Variants in NR3C2 observed in about 807,000 individuals in gnomAD.
NR3C2 encodes nuclear receptor subfamily 3 group C member 2, also known as mineralocorticoid receptor.
NR3C2 carries 15 observed loss-of-function variants against 86.4 expected under a neutral mutation model. The ratio of observed to expected loss-of-function variants is 0.17; its 90% confidence interval spans 0.12 to 0.27. NR3C2 has a LOEUF of 0.27. Ranked by LOEUF, NR3C2 falls within the 10% of genes least tolerant of loss-of-function variation. The pLI is 1.00. For synonymous variants in NR3C2, 458 were observed against 450.5 expected (o/e 1.02, Z -0.21); for missense variants, 960 against 1,195.6 (o/e 0.80, Z 2.91).
chr4:148,417,364 T>C (rs1749064525), intron 2 of NR3C2, among the ~76,000 whole-genome samples: 1 of 152,176 alleles, frequency 6.6e-6, no homozygotes, highest in South Asian at 2.1e-4. Flanking sequence ...ATGACTTCTC[T>C]ATCCAAGAGT....
chr4:148,268,653 T>G (rs1394494872), intron 2 of NR3C2, among the ~76,000 whole-genome samples: 1 of 152,026 alleles, frequency 6.6e-6, no homozygotes. Context: ...CAAGAAAAAA[T>G]TATGCCAAGT....
intron 8 of NR3C2, among the ~76,000 whole-genome samples, chr4:148,092,642 A>G (rs1731108937): frequency 6.6e-6 from 1 of 152,206 alleles, no homozygotes; most frequent in African/African-American, 2.4e-5. Flanking sequence ...CTAAATGAGC[A>G]TCTTCATTTT....
chr4:148,113,152 A>G (rs1732119263), intron 8 of NR3C2, among the ~76,000 whole-genome samples: 2 of 152,212 alleles, frequency 1.3e-5, no homozygotes, highest in African/African-American at 4.8e-5. Flanking sequence ...CCTCGGCTAT[A>G]TCTATAATTG....
At chr4:148,236,541 AG>A (rs1398106473) in intron 3 of NR3C2, among the ~76,000 whole-genome samples, 1 of 152,132 alleles carries the variant, frequency 6.6e-6, no homozygotes, top group African/African-American at 2.4e-5. Context: ...ACTTAAAAAA[AG>A]GTCAGAAAAG....
chr4:148,367,362 T>C (rs1746200382), intron 2 of NR3C2, among the ~76,000 whole-genome samples: 1 of 152,190 alleles, frequency 6.6e-6, no homozygotes, highest in Non-Finnish European at 1.5e-5. Flanking sequence ...ATTATATAAA[T>C]ACAATCATAA....
chr4:148,298,426 G>T (rs72728485), intron 2 of NR3C2, among the ~76,000 whole-genome samples: 3,398 of 152,246 alleles, frequency 0.022, 65 homozygotes, highest in Non-Finnish European at 0.03. Flanking sequence ...AATGTGTTGC[G>T]CCTTGATCAC....
intron 8 of NR3C2, among the ~76,000 whole-genome samples, chr4:148,103,039 T>A (rs1220097960): frequency 6.6e-6 from 1 of 152,162 alleles, no homozygotes; most frequent in Non-Finnish European, 1.5e-5. Context: ...AAGGACATTC[T>A]CTATTTCTCA....
intron 2 of NR3C2, among the ~76,000 whole-genome samples, chr4:148,335,471 C>T (rs959116703): frequency 2.0e-5 from 3 of 152,090 alleles, no homozygotes; most frequent in Non-Finnish European, 2.9e-5. Context: ...CAGGAGTGAT[C>T]GCCTGCAGAA....
intron 2 of NR3C2, among the ~76,000 whole-genome samples, chr4:148,383,678 C>A (rs746685836): frequency 6.6e-6 from 1 of 152,166 alleles, no homozygotes; most frequent in Non-Finnish European, 1.5e-5. Context: ...TTTGGACGGG[C>A]GCAGTGGCTC....
chr4:148,364,610 T>A (rs1249744464), intron 2 of NR3C2, among the ~76,000 whole-genome samples: 1 of 152,232 alleles, frequency 6.6e-6, no homozygotes, highest in Non-Finnish European at 1.5e-5. Flanking sequence ...TTCCATTTAA[T>A]AACATCTTCT....
chr4:148,172,012 T>G (rs910044591), intron 4 of NR3C2, among the ~76,000 whole-genome samples: 7 of 152,206 alleles, frequency 4.6e-5, no homozygotes, highest in Non-Finnish European at 1.0e-4. Flanking sequence ...CCTGGGAGTT[T>G]ACTGCACTAA....
At chr4:148,203,446 T>A (rs1020481994) in intron 3 of NR3C2, among the ~76,000 whole-genome samples, 45 of 139,580 alleles carry the variant, frequency 3.2e-4, no homozygotes, top group African/African-American at 1.1e-3. Flanking sequence ...GCTGCAAGAT[T>A]TTTTTTTTTT....
intron 3 of NR3C2, among the ~76,000 whole-genome samples, chr4:148,232,670 GTCTTCT>G (rs1738527446): frequency 6.6e-6 from 1 of 152,206 alleles, no homozygotes; most frequent in South Asian, 2.1e-4. Flanking sequence ...TCTAGGCACT[GTCTTCT>G]TCTAACTATC....
intron 3 of NR3C2, among the ~76,000 whole-genome samples, chr4:148,244,891 T>C (rs1413917434): frequency 1.3e-5 from 2 of 152,222 alleles, no homozygotes; most frequent in South Asian, 2.1e-4. Flanking sequence ...AATAGTGTTA[T>C]AGCTTTTAAT....
intron 2 of NR3C2, among the ~76,000 whole-genome samples, chr4:148,418,626 G>A (rs763285902): frequency 1.3e-5 from 2 of 152,136 alleles, no homozygotes; most frequent in Admixed American, 6.5e-5. Flanking sequence ...TTTACCCATT[G>A]TAGTTCCTAT....
intron 2 of NR3C2, among the ~76,000 whole-genome samples, chr4:148,265,457 C>A (rs1241364150): frequency 6.6e-6 from 1 of 152,162 alleles, no homozygotes; most frequent in Non-Finnish European, 1.5e-5. Flanking sequence ...ATCTCTAAGG[C>A]ACCGTGTTGT....
At chr4:148,228,798 C>T (rs931809139) in intron 3 of NR3C2, among the ~76,000 whole-genome samples, 4 of 152,238 alleles carry the variant, frequency 2.6e-5, no homozygotes, top group South Asian at 2.1e-4. Flanking sequence ...AAGCAGGAGA[C>T]TACTGTTTAT....
chr4:148,310,526 A>G (rs72728499), intron 2 of NR3C2, among the ~76,000 whole-genome samples: 19,607 of 152,158 alleles, frequency 0.13, 1,338 homozygotes, highest in Middle Eastern at 0.16. Flanking sequence ...AAGATCTTTC[A>G]TAAGTCTCTA....
intron 2 of NR3C2, among the ~76,000 whole-genome samples, chr4:148,284,874 C>CA (rs1279456762): frequency 2.6e-5 from 4 of 152,132 alleles, no homozygotes; most frequent in African/African-American, 9.7e-5. Context: ...CTCAGTCCTA[C>CA]AAAAAAGTCT....
Sources: gnomAD v4.1 joint callset for allele counts (sites outside exome capture counted in the v4.1 genomes callset) on GRCh38, gnomAD v4.1.1 for gene constraint, MANE v1.5 for transcripts, NCBI Gene and HGNC (gene_info 2026-07-23, HGNC 2026-07-21) for gene names.